Variants in L3MBTL4 observed in about 807,000 individuals in gnomAD.
The protein encoded by L3MBTL4 is lethal(3)malignant brain tumor-like protein 4.
In L3MBTL4, 70 loss-of-function variants were observed where a neutral mutation model predicts 84.5. The ratio of observed to expected loss-of-function variants is 0.83; its 90% CI spans 0.68 to 1.01. L3MBTL4 has a LOEUF of 1.01. L3MBTL4 is among the 50% of genes least tolerant of loss of function. The pLI is 0.00. For synonymous variants in L3MBTL4, 274 were observed against 259.8 expected, an observed-to-expected ratio of 1.05 and a Z score of -0.52; for missense variants, 715 against 754.8, an observed-to-expected ratio of 0.95 and a Z score of 0.62.
At chr18:6,139,745 C>A (rs1384340304) in intron 13 of L3MBTL4, among the ~76,000 whole-genome samples, 4 of 152,082 alleles carry the variant, frequency 2.6e-5, no homozygotes, top group Non-Finnish European at 4.4e-5. Context: ...CATGGCTTCC[C>A]ACAGCCCTCC....
chr18:6,032,762 T>C (rs1378391658), intron 16 of L3MBTL4, among the ~76,000 whole-genome samples: 1 of 152,212 alleles, frequency 6.6e-6, no homozygotes. Flanking sequence ...GTCTCTATGA[T>C]TTTGACTATT....
chr18:6,230,186 G>A (rs939023155), intron 10 of L3MBTL4, among the ~76,000 whole-genome samples: 2 of 152,006 alleles, frequency 1.3e-5, no homozygotes, highest in Non-Finnish European at 2.9e-5. Flanking sequence ...CAGGTAATAA[G>A]AGAGGTAAAA....
chr18:6,268,132 G>GT (rs374532064), intron 4 of L3MBTL4, among the ~76,000 whole-genome samples: 108 of 152,322 alleles, frequency 7.1e-4, no homozygotes, highest in African/African-American at 2.2e-3. Context: ...TGGCCCGGGA[G>GT]TGGTGGCTCA....
intron 4 of L3MBTL4, among the ~76,000 whole-genome samples, chr18:6,294,277 C>T (rs968940302): frequency 1.3e-5 from 2 of 151,994 alleles, no homozygotes; most frequent in Non-Finnish European, 2.9e-5. Flanking sequence ...CACTCTGTGG[C>T]GCTAAGAGAG....
At chr18:6,053,696 C>A (rs1009307289) in intron 16 of L3MBTL4, among the ~76,000 whole-genome samples, 1 of 152,168 alleles carries the variant, frequency 6.6e-6, no homozygotes, top group Non-Finnish European at 1.5e-5. Flanking sequence ...TCTCTGGTTG[C>A]GCCTATGGTC....
At chr18:6,225,275 A>G (rs2046731675) in intron 10 of L3MBTL4, among the ~76,000 whole-genome samples, 1 of 152,236 alleles carries the variant, frequency 6.6e-6, no homozygotes, top group African/African-American at 2.4e-5. Flanking sequence ...ACAAGTGGGT[A>G]AAAAGAAATC....
chr18:5,964,664 C>A (rs1369092504), intron 17 of L3MBTL4, among the ~76,000 whole-genome samples: 1 of 152,176 alleles, frequency 6.6e-6, no homozygotes, highest in Non-Finnish European at 1.5e-5. Flanking sequence ...TTGGTTGAGG[C>A]TAGGGCAATT....
intron 1 of L3MBTL4, among the ~76,000 whole-genome samples, chr18:6,382,663 G>A (rs1599853315): frequency 6.6e-6 from 1 of 152,198 alleles, no homozygotes; most frequent in East Asian, 1.9e-4. Flanking sequence ...AGCAAAGATT[G>A]CTGCCTGTTT....
intron 12 of L3MBTL4, among the ~76,000 whole-genome samples, chr18:6,183,019 TAA>T (rs2044550536): frequency 6.6e-6 from 1 of 152,230 alleles, no homozygotes; most frequent in African/African-American, 2.4e-5. Flanking sequence ...TATATCTACA[TAA>T]GTTTCCATTT....
chr18:6,339,886 A>G (rs1031769614), intron 1 of L3MBTL4, among the ~76,000 whole-genome samples: 5 of 152,166 alleles, frequency 3.3e-5, no homozygotes, highest in African/African-American at 1.2e-4. Flanking sequence ...AAATGTTAAA[A>G]ATCTGAATTC....
At chr18:6,258,169 C>T (rs563104850) in intron 5 of L3MBTL4, among the ~76,000 whole-genome samples, 1 of 152,280 alleles carries the variant, frequency 6.6e-6, no homozygotes, top group Non-Finnish European at 1.5e-5. Flanking sequence ...TCACCACATG[C>T]AGTAAGGGAC....
intron 16 of L3MBTL4, among the ~76,000 whole-genome samples, chr18:5,971,692 A>G (rs534173223): frequency 6.6e-6 from 1 of 152,328 alleles, no homozygotes; most frequent in South Asian, 2.1e-4. Flanking sequence ...TTCCCACACC[A>G]TAATTCTGGA....
intron 4 of L3MBTL4, among the ~76,000 whole-genome samples, chr18:6,277,793 G>A (rs2049152993): frequency 1.3e-5 from 2 of 151,944 alleles, no homozygotes; most frequent in South Asian, 2.1e-4. Context: ...AAGTGCTGAT[G>A]GTTGAAATAC....
rs2056109431 is a variant in L3MBTL4, at chr18:6,414,476, GC to G, written c.-91+324del. Among the ~76,000 whole-genome samples the G allele has an allele frequency of 6.6e-6, 1 of 152,116 alleles. No homozygotes were observed. Among genetic ancestry groups the G allele is most frequent in the Non-Finnish European group, 1.5e-5 (1 of 68,002 alleles). On this transcript the variant is annotated intron_variant, in intron 1 of 18. Transcript: ENST00000317931. This position sits in a 1 kb window ranked among gnomAD's most constrained non-coding sequence, Gnocchi z 5.4. ...GGCTCCAGGGCGCCCAGGTAGCCGCGCCTGGCACCCCGACCCTGCCCTCGCG... is the reference window on the plus strand; with the variant it reads ...GGCTCCAGGGCGCCCAGGTAGCCGCGCTGGCACCCCGACCCTGCCCTCGCG...
At chr18:6,358,142 T>C (rs927890300) in intron 1 of L3MBTL4, among the ~76,000 whole-genome samples, 8 of 152,316 alleles carry the variant, frequency 5.3e-5, no homozygotes, top group Non-Finnish European at 8.8e-5. Flanking sequence ...GTTAACAACC[T>C]CATTTGTAAA....
At chr18:6,092,024 GAAC>G (rs2058475846) in intron 15 of L3MBTL4, among the ~76,000 whole-genome samples, 1 of 152,110 alleles carries the variant, frequency 6.6e-6, no homozygotes, top group African/African-American at 2.4e-5. Context: ...CAGCAGTAAA[GAAC>G]AACGAGACCC....
chr18:6,007,701 A>G (rs2054555222), intron 16 of L3MBTL4, among the ~76,000 whole-genome samples: 1 of 152,210 alleles, frequency 6.6e-6, no homozygotes, highest in South Asian at 2.1e-4. Flanking sequence ...GAAATACCCA[A>G]ACGTCCACAG....
At chr18:6,124,680 C>G (rs2059632892) in intron 14 of L3MBTL4, among the ~76,000 whole-genome samples, 1 of 151,966 alleles carries the variant, frequency 6.6e-6, no homozygotes, top group Non-Finnish European at 1.5e-5. Flanking sequence ...ATGTAATATG[C>G]AGGCACCTAG....
At chr18:6,313,592 T>C (rs944183918) in intron 1 of L3MBTL4, among the ~76,000 whole-genome samples, 5 of 152,162 alleles carry the variant, frequency 3.3e-5, no homozygotes, top group African/African-American at 9.7e-5. Flanking sequence ...ATGAACAGCA[T>C]AGACTTGATG....
Sources: gnomAD v4.1 joint callset for allele counts (sites outside exome capture counted in the v4.1 genomes callset) on GRCh38, gnomAD v4.1.1 for gene constraint, Gnocchi (gnomAD v3.1) non-coding constraint, MANE v1.5 for transcripts, NCBI Gene and HGNC (gene_info 2026-07-23, HGNC 2026-07-21) for gene names.